SNX6: variants seen among roughly 807,000 people sequenced by gnomAD.
SNX6 encodes sorting nexin-6.
SNX6 carries 34 observed loss-of-function variants against 63.0 expected under a neutral mutation model. The observed-to-expected ratio is 0.54, with a 90% confidence interval of 0.41 to 0.72. SNX6 has a LOEUF of 0.72. SNX6 is among the 30% of genes least tolerant of loss of function. The pLI is 0.00. For missense variants in SNX6, 398 were observed against 471.4 expected, an observed-to-expected ratio of 0.84 and a Z score of 1.44; for synonymous variants, 170 against 164.2, an observed-to-expected ratio of 1.04 and a Z score of -0.27.
intron 2 of SNX6, among the ~76,000 whole-genome samples, chr14:34,614,040 GA>G (rs1435769486): frequency 6.6e-6 from 1 of 151,904 alleles, no homozygotes. Context: ...CTGGGAGGCG[GA>G]AGTTGCAGTG....
chr14:34,618,453 C>G (rs1883507296), intron 2 of SNX6, among the ~76,000 whole-genome samples: 1 of 152,116 alleles, frequency 6.6e-6, no homozygotes, highest in Admixed American at 6.6e-5. Flanking sequence ...CTGATTCAAG[C>G]AATTCTCCTG....
intron 7 of SNX6, among the ~76,000 whole-genome samples, chr14:34,595,112 AAAAT>A (rs1355304638): frequency 2.0e-5 from 3 of 152,210 alleles, no homozygotes; most frequent in African/African-American, 7.2e-5. Flanking sequence ...AATAAAATAA[AAAAT>A]AAATATTAAA....
chr14:34,604,235 T>G (rs936751543), intron 5 of SNX6: 3 of 1,288,398 alleles, frequency 2.3e-6, no homozygotes, highest in Non-Finnish European at 1.0e-6. Context: ...GAGGTAGCAG[T>G]AGAATAAACC....
intron 11 of SNX6, 120 bp downstream of exon 11, chr14:34,575,636 T>C (rs1881664086): frequency 4.3e-6 from 2 of 464,376 alleles, no homozygotes; most frequent in Non-Finnish European, 7.9e-6. Flanking sequence ...AGAATTCATA[T>C]TTGAAAATAT....
intron 13 of SNX6, 141 bp downstream of exon 13, chr14:34,567,545 C>A (rs1014743406): frequency 4.2e-6 from 3 of 722,420 alleles, no homozygotes; most frequent in Non-Finnish European, 6.9e-6. Context: ...GTGAAATAAT[C>A]TTGGAAAATG....
intron 10 of SNX6, among the ~76,000 whole-genome samples, chr14:34,576,568 C>A (rs1002329225): frequency 1.3e-5 from 2 of 151,666 alleles, no homozygotes; most frequent in African/African-American, 4.8e-5. Flanking sequence ...CCTGCCGCAG[C>A]CTCCCGAGTA....
intron 5 of SNX6, chr14:34,604,050 T>TG (rs767112911): frequency 1.9e-5 from 19 of 978,608 alleles, no homozygotes; most frequent in Admixed American, 9.4e-5. Context: ...CATGTCAGTT[T>TG]GGGGGAAAAA....
intron 2 of SNX6, among the ~76,000 whole-genome samples, chr14:34,614,880 CG>C (rs1883360542): frequency 6.6e-6 from 1 of 152,070 alleles, no homozygotes; most frequent in South Asian, 2.1e-4. Flanking sequence ...ACTCCAGTCT[CG>C]TAAGACCCTA....
chr14:34,612,536 T>C (rs1399110041), intron 2 of SNX6, among the ~76,000 whole-genome samples: 1 of 151,810 alleles, frequency 6.6e-6, no homozygotes, highest in Non-Finnish European at 1.5e-5. Flanking sequence ...CATGTTCAAG[T>C]GATTCTCCTG....
intron 10 of SNX6, among the ~76,000 whole-genome samples, chr14:34,579,236 T>C (rs891372533): frequency 3.3e-5 from 5 of 152,094 alleles, no homozygotes; most frequent in South Asian, 2.1e-4. Flanking sequence ...CTTAGCAGTA[T>C]TGTTATAAAG....
chr14:34,608,194 T>C, intron 3 of SNX6, 54 bp from the exon 4 acceptor site: 2 of 1,031,010 alleles, frequency 1.9e-6, no homozygotes, highest in Non-Finnish European at 2.9e-6. Context: ...TAAAAAGTTT[T>C]TTGAAACTGG....
intron 11 of SNX6, chr14:34,568,850 TA>T: frequency 3.7e-6 from 4 of 1,081,746 alleles, no homozygotes; most frequent in Non-Finnish European, 5.7e-6. Flanking sequence ...GAGCCTCGGC[TA>T]AAGTGGCCAG....
chr14:34,597,382 G>A (rs888109147), intron 7 of SNX6, among the ~76,000 whole-genome samples, 168 bp downstream of exon 7: 20 of 152,188 alleles, frequency 1.3e-4, no homozygotes, highest in African/African-American at 3.6e-4. Context: ...AGAAGGGAAC[G>A]CTCTAAAGAG....
At chr14:34,591,230 T>TA (rs67980327) in intron 8 of SNX6, among the ~76,000 whole-genome samples, 65,239 of 150,474 alleles carry the variant, frequency 0.43, 14,623 homozygotes, top group African/African-American at 0.49. Flanking sequence ...ACAAAGCTGT[T>TA]AAAAAAAAAA....
At chr14:34,628,629 A>C (rs1399875176) in intron 2 of SNX6, among the ~76,000 whole-genome samples, 1 of 152,208 alleles carries the variant, frequency 6.6e-6, no homozygotes, top group African/African-American at 2.4e-5. Context: ...ATACTGTCTC[A>C]TAAAACCAAA....
intron 1 of SNX6, 27 bp downstream of exon 1, chr14:34,630,084 G>A (rs951972449): frequency 9.0e-6 from 13 of 1,452,286 alleles, no homozygotes; most frequent in Non-Finnish European, 1.2e-5. Context: ...CGCGCTCCCG[G>A]GACTCGGCGC....
chr14:34,568,799 G>GCC (rs1027571295), intron 11 of SNX6: 73 of 990,816 alleles, frequency 7.4e-5, no homozygotes, highest in Non-Finnish European at 8.0e-6. Flanking sequence ...ACCATTTTTA[G>GCC]CCCCTCCAGG....
chr14:34,613,195 A>G (rs1883297418), intron 2 of SNX6, among the ~76,000 whole-genome samples: 1 of 152,200 alleles, frequency 6.6e-6, no homozygotes, highest in Non-Finnish European at 1.5e-5. Context: ...GGAGGCAGGG[A>G]ATTCTTCCCT....
At chr14:34,567,358 A>G (rs1881234079) in intron 13 of SNX6, among the ~76,000 whole-genome samples, 1 of 151,876 alleles carries the variant, frequency 6.6e-6, no homozygotes, top group Non-Finnish European at 1.5e-5. Flanking sequence ...GTGGTGGCAC[A>G]TACCTGTAAT....
Sources: gnomAD v4.1 joint callset for allele counts (sites outside exome capture counted in the v4.1 genomes callset) on GRCh38, gnomAD v4.1.1 for gene constraint, MANE v1.5 for transcripts, NCBI Gene and HGNC (gene_info 2026-07-23, HGNC 2026-07-21) for gene names.